OPCML: variants seen among roughly 807,000 people sequenced by gnomAD.
OPCML encodes opioid-binding protein/cell adhesion molecule.
Under a neutral mutation model 37.8 loss-of-function variants are expected in OPCML, and 13 were observed. That is an observed-to-expected ratio of 0.34 (90% CI 0.22 to 0.55). The LOEUF is 0.55. OPCML is among the 20% of genes least tolerant of loss of function. The pLI, the probability that OPCML is intolerant of heterozygous loss-of-function variation, is 0.91. For synonymous variants in OPCML, 176 were observed against 168.8 expected (o/e 1.04, Z -0.33); for missense variants, 341 against 435.6 (o/e 0.78, Z 1.93).
At chr11:133,140,646 G>A (rs1480543252) in intron 1 of OPCML, among the ~76,000 whole-genome samples, 1 of 139,078 alleles carries the variant, frequency 7.2e-6, no homozygotes, top group Non-Finnish European at 1.5e-5. Flanking sequence ...AGAGGAGGAA[G>A]AGGAAGAGGA....
At chr11:132,681,954 C>CA (rs35562833) in intron 2 of OPCML, among the ~76,000 whole-genome samples, 1,941 of 136,444 alleles carry the variant, frequency 0.014, 23 homozygotes, top group Non-Finnish European at 0.022. Context: ...GATTCCGTCT[C>CA]AAAAAAAAAA....
intron 2 of OPCML, among the ~76,000 whole-genome samples, chr11:132,873,896 A>AT (rs1397211018): frequency 6.6e-6 from 1 of 152,236 alleles, no homozygotes; most frequent in Non-Finnish European, 1.5e-5. Flanking sequence ...TTAGTGTTGT[A>AT]TATCGGCTTA....
intron 2 of OPCML, among the ~76,000 whole-genome samples, chr11:132,753,139 C>G (rs1591558068): frequency 6.6e-6 from 1 of 152,116 alleles, no homozygotes; most frequent in Admixed American, 6.6e-5. Context: ...TTCACTACTC[C>G]CCCTCCCTAT....
intron 1 of OPCML, among the ~76,000 whole-genome samples, chr11:133,168,816 GA>G (rs1950249268): frequency 6.6e-6 from 1 of 152,208 alleles, no homozygotes; most frequent in Non-Finnish European, 1.5e-5. Flanking sequence ...ATTATTGCCA[GA>G]ACCGCATGAG....
At chr11:133,309,528 G>C (rs765570528) in intron 1 of OPCML, among the ~76,000 whole-genome samples, 23 of 152,330 alleles carry the variant, frequency 1.5e-4, no homozygotes, top group Non-Finnish European at 3.2e-4. Context: ...TGCAATGTGG[G>C]ATCCTGGATT....
At chr11:133,298,496 G>GTTTT (rs1191128871) in intron 1 of OPCML, 2 of 152,044 alleles carry the variant, frequency 1.3e-5, no homozygotes, top group Admixed American at 6.5e-5. Context: ...AAATTCTATT[G>GTTTT]ACCCAAGGAA....
At chr11:132,879,692 G>A (rs1055677149) in intron 2 of OPCML, among the ~76,000 whole-genome samples, 92 of 152,260 alleles carry the variant, frequency 6.0e-4, no homozygotes, top group East Asian at 1.9e-4. Context: ...AAACTCCCAG[G>A]CAACAGCTAT....
chr11:133,053,271 T>C (rs1038167880), intron 1 of OPCML, among the ~76,000 whole-genome samples: 12 of 152,222 alleles, frequency 7.9e-5, no homozygotes, highest in African/African-American at 2.9e-4. Flanking sequence ...GCCTGGCACA[T>C]GGTAAGCCCT....
chr11:132,852,620 AAG>A (rs756901337), intron 2 of OPCML, among the ~76,000 whole-genome samples: 6 of 152,110 alleles, frequency 3.9e-5, no homozygotes, highest in Admixed American at 1.3e-4. Flanking sequence ...AGAAAAAAAA[AAG>A]AGAGAGAGAA....
Position 132,520,702 on chromosome 11 carries a change from G to GTGTGTGTGTGTGTGTGTA in OPCML, c.505+8358_505+8359insTACACACACACACACACA, listed in dbSNP as rs150655288. On this transcript the variant is annotated intron_variant, in intron 4 of 7. Transcript: ENST00000524381. ...TGTGTGTGTGTGTGTGTGTGTGTGT[G>GTGTGTGTGTGTGTGTGTA]TATGCATATAGTATTATATATAAAG... 4.3e-3 allele frequency among the ~76,000 whole-genome samples: 639 copies of GTGTGTGTGTGTGTGTGTA among 149,696 alleles called. 2 individuals are homozygous for GTGTGTGTGTGTGTGTGTA. Among genetic ancestry groups the GTGTGTGTGTGTGTGTGTA allele is most frequent in the Middle Eastern group, 0.017 (5 of 292 alleles).
At chr11:133,075,829 C>A (rs954577474) in intron 1 of OPCML, among the ~76,000 whole-genome samples, 2 of 152,192 alleles carry the variant, frequency 1.3e-5, no homozygotes, top group Non-Finnish European at 2.9e-5. Context: ...CTCTTGGATT[C>A]CTAAGTCGGT....
chr11:133,365,128 G>A (rs572539916), intron 1 of OPCML, among the ~76,000 whole-genome samples: 5 of 151,064 alleles, frequency 3.3e-5, no homozygotes, highest in African/African-American at 7.3e-5. Flanking sequence ...GTGCAATGCC[G>A]ACCACCTCCA....
intron 1 of OPCML, among the ~76,000 whole-genome samples, chr11:133,295,779 G>C (rs571059206): frequency 3.8e-4 from 58 of 152,278 alleles, no homozygotes; most frequent in Non-Finnish European, 6.9e-4. Context: ...CTTGTCTAAA[G>C]ACATACAAAT....
intron 1 of OPCML, among the ~76,000 whole-genome samples, chr11:133,291,709 C>G (rs895862181): frequency 2.0e-5 from 3 of 152,246 alleles, no homozygotes; most frequent in African/African-American, 7.2e-5. Flanking sequence ...TGCTTTTGAG[C>G]CCCAGCCCTT....
intron 1 of OPCML, among the ~76,000 whole-genome samples, chr11:133,075,602 GCCC>G (rs1302907546): frequency 6.6e-6 from 1 of 152,140 alleles, no homozygotes; most frequent in Non-Finnish European, 1.5e-5. Flanking sequence ...CTCACGCCTG[GCCC>G]CCCAAGAAAA....
chr11:133,158,420 G>A (rs1443411719), intron 1 of OPCML, among the ~76,000 whole-genome samples: 1 of 152,172 alleles, frequency 6.6e-6, no homozygotes, highest in East Asian at 1.9e-4. Context: ...TAAGATCCAG[G>A]GCCAGGCATG....
intron 2 of OPCML, among the ~76,000 whole-genome samples, chr11:132,684,439 T>C (rs974588146): frequency 5.9e-5 from 9 of 152,216 alleles, no homozygotes; most frequent in Non-Finnish European, 1.0e-4. Context: ...CATATGATTC[T>C]AATATAAAGC....
chr11:132,531,135 T>C (rs78951364), intron 3 of OPCML, among the ~76,000 whole-genome samples: 2,166 of 152,290 alleles, frequency 0.014, 47 homozygotes, highest in South Asian at 0.043. Flanking sequence ...ACATCTCTAC[T>C]CCTCAGTGTA....
chr11:132,745,430 C>CT (rs1338176066), intron 2 of OPCML, among the ~76,000 whole-genome samples: 2 of 151,944 alleles, frequency 1.3e-5, no homozygotes, highest in Non-Finnish European at 2.9e-5. Context: ...GCTCTGGAGC[C>CT]TTAAGCACTT....
Sources: gnomAD v4.1 joint callset for allele counts (sites outside exome capture counted in the v4.1 genomes callset) on GRCh38, gnomAD v4.1.1 for gene constraint, MANE v1.5 for transcripts, NCBI Gene and HGNC (gene_info 2026-07-23, HGNC 2026-07-21) for gene names.